The following HMBOX1 variants were observed in gnomAD, a reference collection of about 807,000 sequenced individuals.
HMBOX1 encodes the protein homeobox containing 1.
In HMBOX1, 14 loss-of-function variants were observed where a neutral mutation model predicts 54.5. The ratio of observed to expected loss-of-function variants is 0.26; its 90% CI spans 0.17 to 0.40. The LOEUF (loss-of-function observed/expected upper bound fraction) is 0.40, where lower values mean the gene tolerates loss of function less well. HMBOX1 is among the 10% of genes least tolerant of loss of function. The pLI, the probability that HMBOX1 is intolerant of heterozygous loss-of-function variation, is 1.00. For missense variants in HMBOX1, 332 were observed against 514.4 expected, an observed-to-expected ratio of 0.65 and a Z score of 3.43; for synonymous variants, 160 against 181.0, an observed-to-expected ratio of 0.88 and a Z score of 0.93.
At chr8:28,913,863 T>C (rs1815978941) in intron 1 of HMBOX1, among the ~76,000 whole-genome samples, 1 of 149,846 alleles carries the variant, frequency 6.7e-6, no homozygotes. Context: ...TTCTTTTTTT[T>C]TTTTTTTTTT....
intron 1 of HMBOX1, among the ~76,000 whole-genome samples, chr8:28,912,903 A>G (rs1815737363): frequency 6.6e-6 from 1 of 152,186 alleles, no homozygotes; most frequent in Admixed American, 6.5e-5. Context: ...TAAAAAACAT[A>G]CTTAAGTTTT....
intron 6 of HMBOX1, among the ~76,000 whole-genome samples, chr8:29,026,320 C>G (rs1802024304): frequency 6.6e-6 from 1 of 151,844 alleles, no homozygotes; most frequent in Admixed American, 6.6e-5. Flanking sequence ...CCTATAGAGA[C>G]AGAAAGTAGA....
At chr8:28,914,128 A>C (rs1015567521) in intron 1 of HMBOX1, among the ~76,000 whole-genome samples, 8 of 152,122 alleles carry the variant, frequency 5.3e-5, no homozygotes, top group Non-Finnish European at 8.8e-5. Context: ...TAGGCCTCCC[A>C]AAGTGCTGGG....
At chr8:29,007,755 C>T (rs911991823) in intron 4 of HMBOX1, among the ~76,000 whole-genome samples, 1 of 152,106 alleles carries the variant, frequency 6.6e-6, no homozygotes, top group African/African-American at 2.4e-5. Context: ...GTGTGGTGAG[C>T]CATGATTGCG....
At chr8:29,012,905 ATTT>A (rs886448251) in intron 5 of HMBOX1, among the ~76,000 whole-genome samples, 1 of 151,706 alleles carries the variant, frequency 6.6e-6, no homozygotes, top group Non-Finnish European at 1.5e-5. Context: ...TTATTTCATA[ATTT>A]TTTTTTCTGT....
chr8:28,978,000 G>A (rs1471041207), intron 3 of HMBOX1, among the ~76,000 whole-genome samples: 1 of 151,916 alleles, frequency 6.6e-6, no homozygotes, highest in African/African-American at 2.4e-5. Context: ...CAGTCATTTT[G>A]GGAAGAATCT....
rs144949648 is a variant in HMBOX1 at position 29,017,309 on chromosome 8, A to G, written c.698-1451A>G. Among the ~76,000 whole-genome samples the G allele has an allele frequency of 1.5e-3, 221 of 152,296 alleles. 1 individual carries two copies. Among genetic ancestry groups the G allele is most frequent in the African/African-American group, 4.9e-3 (204 of 41,570 alleles). On this transcript the variant is annotated intron_variant, in intron 5 of 9. Coordinates refer to ENST00000287701, the MANE Select transcript of HMBOX1 (RefSeq NM_001135726.3). ...TTAGGAGACCTAGGCAGAAATTTCA[A>G]AGCATCTTATAACCTAGCCTTGAAT...
chr8:29,016,887 C>T (rs931179475), intron 5 of HMBOX1, among the ~76,000 whole-genome samples: 3 of 152,242 alleles, frequency 2.0e-5, no homozygotes, highest in African/African-American at 7.2e-5. Context: ...CATACCATCA[C>T]TGCCACATGC....
intron 1 of HMBOX1, chr8:28,949,595 A>C (rs1053369270): frequency 6.6e-6 from 1 of 152,214 alleles, no homozygotes; most frequent in Non-Finnish European, 1.5e-5. Context: ...GGAACCCTTA[A>C]GATGATCTTA....
chr8:28,985,110 G>A (rs1829971993), intron 4 of HMBOX1, among the ~76,000 whole-genome samples: 1 of 152,104 alleles, frequency 6.6e-6, no homozygotes, highest in Admixed American at 6.5e-5. Flanking sequence ...TTCTTTCTTA[G>A]TTCCATTTGA....
intron 4 of HMBOX1, among the ~76,000 whole-genome samples, chr8:29,003,098 T>C (rs1431054527): frequency 1.3e-5 from 2 of 151,574 alleles, no homozygotes; most frequent in East Asian, 1.9e-4. Flanking sequence ...TTTTTTTTCA[T>C]TTTTTATCTA....
chr8:28,983,846 A>G (rs1271902168), intron 4 of HMBOX1, among the ~76,000 whole-genome samples: 8 of 152,170 alleles, frequency 5.3e-5, no homozygotes, highest in East Asian at 1.9e-4. Flanking sequence ...TCAGTTGTTT[A>G]TATCAGGCCT....
At chr8:28,917,864 G>T (rs918664194) in intron 1 of HMBOX1, among the ~76,000 whole-genome samples, 7 of 152,150 alleles carry the variant, frequency 4.6e-5, no homozygotes, top group African/African-American at 1.7e-4. Flanking sequence ...CTTGCATGTT[G>T]TATTGTTCTT....
intron 4 of HMBOX1, among the ~76,000 whole-genome samples, chr8:28,981,364 G>A (rs1382163897): frequency 1.3e-5 from 2 of 152,134 alleles, no homozygotes; most frequent in Non-Finnish European, 2.9e-5. Context: ...TAGTATTTAG[G>A]TGTTTTTCTG....
At chr8:28,925,140 T>C (rs939233812) in intron 1 of HMBOX1, among the ~76,000 whole-genome samples, 1 of 152,180 alleles carries the variant, frequency 6.6e-6, no homozygotes, top group South Asian at 2.1e-4. Context: ...AGAATAATAT[T>C]ATGTGACATG....
At chr8:28,893,772 A>C (rs1811510632) in intron 1 of HMBOX1, among the ~76,000 whole-genome samples, 1 of 152,214 alleles carries the variant, frequency 6.6e-6, no homozygotes. Context: ...CTTGTTTCAT[A>C]GATATTGAAT....
At chr8:29,016,585 C>T (rs1215134747) in intron 5 of HMBOX1, among the ~76,000 whole-genome samples, 1 of 152,208 alleles carries the variant, frequency 6.6e-6, no homozygotes. Flanking sequence ...CCAGGAATGG[C>T]TTAGCTGGTT....
rs2132992630 is a variant in HMBOX1 at position 29,018,746 on chromosome 8, CTTGT to C, written c.698-11_698-8del. 1 of 1,607,014 alleles carries C rather than the reference CTTGT, an allele frequency of 6.2e-7. No individual in the cohort carries two copies. The highest frequency in any genetic ancestry group is 8.5e-7 in the Non-Finnish European group (1 of 1,175,532). ...ACTGCAAGATATTTGCTAAAAGTGT[CTTGT>C]TTATTTCAGGCGCTACACTAAGTAT... On this transcript the variant is annotated splice_polypyrimidine_tract_variant and intron_variant, in intron 5 of 9. Transcript: ENST00000287701.
intron 5 of HMBOX1, among the ~76,000 whole-genome samples, chr8:29,015,437 G>A (rs973823327): frequency 6.6e-6 from 1 of 152,156 alleles, no homozygotes; most frequent in African/African-American, 2.4e-5. Context: ...GATCAGCCAT[G>A]ATAACCGGTT....
Sources: gnomAD v4.1 joint callset for allele counts (sites outside exome capture counted in the v4.1 genomes callset) on GRCh38, gnomAD v4.1.1 for gene constraint, MANE v1.5 for transcripts, NCBI Gene and HGNC (gene_info 2026-07-23, HGNC 2026-07-21) for gene names.